SLC22A25: variants seen among roughly 807,000 people sequenced by gnomAD.
SLC22A25 encodes solute carrier family 22 member 25.
In SLC22A25, 44 loss-of-function variants were observed where a neutral mutation model predicts 45.9. The observed-to-expected ratio is 0.96, with a 90% CI of 0.75 to 1.23. The LOEUF is 1.23. Among genes scored for constraint, SLC22A25 ranks in the 50% most tolerant of loss-of-function variants. The pLI is 0.00. For synonymous variants in SLC22A25, 283 were observed against 238.6 expected (o/e 1.19, Z -1.72); for missense variants, 800 against 666.4 (o/e 1.20, Z -2.21).
At chr11:63,236,545 C>A (rs1359657843) in intron 3 of SLC22A25, among the ~76,000 whole-genome samples, 2 of 152,174 alleles carry the variant, frequency 1.3e-5, no homozygotes, top group Non-Finnish European at 2.9e-5. Context: ...GTCTGTCACC[C>A]CTTTCTTTGA....
At chr11:63,208,030 A>G in intron 7 of SLC22A25, 1 of 152,170 alleles carries the variant, frequency 6.6e-6, no homozygotes, top group East Asian at 1.9e-4. Flanking sequence ...CCTGAACCCC[A>G]TTGGTCTCTC....
In SLC22A25 at chr11:63,163,932, G is replaced by A. The variant is rs1421503433; in HGVS notation, c.1536C>T (p.Val512=). 1.1e-5 allele frequency: 17 copies of A among 1,613,758 alleles called. No homozygotes were observed. In the East Asian group the frequency reaches 3.3e-4, roughly 32 times the overall value. The change falls in exon 12 of 12, where the codon GTC becomes GTT. Residue 512 remains valine (V), a synonymous_variant. Coordinates refer to ENST00000306494, the MANE Select transcript of SLC22A25 (RefSeq NM_199352.6). ...GVFAILSGLV[V]LLLPETRNQP... Reference sequence around the variant, plus strand: ...GGTTCCTGGTTTCAGGAAGGAGGAGGACAACAAGGCCAGAGAGGATGGCAA... The same window carrying A: ...GGTTCCTGGTTTCAGGAAGGAGGAGAACAACAAGGCCAGAGAGGATGGCAA...
At chr11:63,233,162 G>A (rs1316332419) in intron 3 of SLC22A25, among the ~76,000 whole-genome samples, 1 of 152,180 alleles carries the variant, frequency 6.6e-6, no homozygotes, top group Non-Finnish European at 1.5e-5. Flanking sequence ...ATGAGTTAGG[G>A]AGGATTCCCT....
At chr11:63,211,061 C>T (rs1041792187) in intron 7 of SLC22A25, among the ~76,000 whole-genome samples, 1 of 150,270 alleles carries the variant, frequency 6.7e-6, no homozygotes, top group African/African-American at 2.5e-5. Context: ...CCACTGGAGC[C>T]AGACCTACAC....
In SLC22A25 at chr11:63,243,518, C is replaced by A; in HGVS notation, c.-1080G>T. 1 of 761,756 alleles carries A rather than the reference C, an allele frequency of 1.3e-6. No homozygotes were observed. The highest frequency in any genetic ancestry group is 2.5e-5 in the East Asian group (1 of 40,682). The allele number at this position is 761,756 out of a possible 1,614,324, so 47.2% of individuals were successfully genotyped here. ...TGTCTGCATGTTCCTGGCCTCCAGG[C>A]TCAAAGAGTCCAGCCCACTGACTGC... is the stretch of plus-strand genomic sequence containing the variant. On this transcript the variant is annotated 5_prime_UTR_variant, in exon 1 of 12. Transcript: ENST00000306494.
chr11:63,213,535 G>A (rs1381143856), intron 7 of SLC22A25, among the ~76,000 whole-genome samples: 2 of 152,150 alleles, frequency 1.3e-5, no homozygotes, highest in African/African-American at 2.4e-5. Context: ...TTAATAGTTC[G>A]GGTGCCACAC....
chr11:63,218,193 G>A (rs185375068), intron 5 of SLC22A25: 1 of 402,636 alleles, frequency 2.5e-6, no homozygotes. Context: ...CATGTCTTCT[G>A]CAGCAACATG....
intron 8 of SLC22A25, 64 bp downstream of exon 8, chr11:63,183,630 C>G (rs1393849775): frequency 6.2e-7 from 1 of 1,602,262 alleles, no homozygotes; most frequent in South Asian, 1.1e-5. Context: ...TTATGAACAC[C>G]AACAAGTATA....
chr11:63,203,776 G>C (rs1000939111), intron 7 of SLC22A25, among the ~76,000 whole-genome samples: 4 of 152,092 alleles, frequency 2.6e-5, no homozygotes, highest in African/African-American at 9.7e-5. Context: ...TAGCAAGACA[G>C]GCCAACATTC....
Position 63,169,269 on chromosome 11 carries a change from C to T in SLC22A25, c.1071-3011G>A, listed in dbSNP as rs2087792958. 2.0e-5 allele frequency among the ~76,000 whole-genome samples: 3 copies of T among 152,108 alleles called. No individual in the cohort carries two copies. The South Asian group carries it at 6.2e-4, about 32-fold the overall frequency. ...TGTAGAAACTGCATCAACTAATGTG[C>T]AAACTAAGCAGCTAACATCATGATG... On this transcript the variant is annotated intron_variant, in intron 9 of 11. Coordinates refer to ENST00000306494, the MANE Select transcript of SLC22A25 (RefSeq NM_199352.6).
chr11:63,243,552 T>C lies in SLC22A25; in HGVS notation c.-1114A>G, dbSNP rs137943622. On this transcript the variant is annotated 5_prime_UTR_variant, in exon 1 of 12. Transcript: ENST00000306494. The stretch of plus-strand genomic sequence containing the variant: ...TCCAGCCCACTGACTGCCAAAAAGC[T>C]GTGCATTTATACCGACAACTCCATC... The C allele has an allele frequency of 1.0e-5, 8 of 763,206 alleles. No individual in the cohort carries two copies. The highest frequency in any genetic ancestry group is 2.0e-5 in the Non-Finnish European group (8 of 408,520). 47.3% of individuals were successfully genotyped at this position (763,206 alleles called of 1,614,324 possible).
Position 63,243,144 on chromosome 11 carries a change from A to G in SLC22A25, c.-996+290T>C, listed in dbSNP as rs2090278104. 10 of 190,780 alleles carry G rather than the reference A, an allele frequency of 5.2e-5. No homozygotes were observed. The South Asian group carries it at 1.1e-3, about 20-fold the overall frequency. The allele number at this position is 190,780 out of a possible 1,614,324, so 11.8% of individuals were successfully genotyped here. On this transcript the variant is annotated intron_variant, in intron 1 of 11. Coordinates refer to ENST00000306494, the MANE Select transcript of SLC22A25 (RefSeq NM_199352.6). ...TCAGAGCCACGAGGGACTGCAACCT[A>G]CTCCAAGTTGACCGTGTCCTGAAGA...
At chr11:63,198,735 A>C (rs557969549) in intron 7 of SLC22A25, among the ~76,000 whole-genome samples, 14 of 152,258 alleles carry the variant, frequency 9.2e-5, no homozygotes, top group Non-Finnish European at 1.6e-4. Flanking sequence ...AGAAAAAAGA[A>C]ATCAAGACAA....
intron 7 of SLC22A25, among the ~76,000 whole-genome samples, chr11:63,194,626 C>A (rs937863183): frequency 1.3e-5 from 2 of 151,964 alleles, no homozygotes; most frequent in Admixed American, 6.6e-5. Flanking sequence ...AATGTAAAGA[C>A]CATCGATGCT....
chr11:63,183,705 G>C lies in SLC22A25; in HGVS notation c.943C>G (p.Leu315Val), dbSNP rs757206351. Residue 315 changes from leucine (L) to valine (V), a missense_variant, in exon 8 of 12, where the codon CTA (leucine) becomes GTA (valine). By Grantham distance (32) the Leu-to-Val change is conservative. Coordinates refer to ENST00000306494, the MANE Select transcript of SLC22A25 (RefSeq NM_199352.6). ...RNGMKNAEDI[L>V]TMEVLKSTMK... ...CCCGTCTTGCTTACCTCCATGGTTA[G>C]GATGTCTTCAGCATTCTTCATTCCA... 6.2e-7 allele frequency: 1 copy of C among 1,612,790 alleles called. No homozygotes were observed. Among genetic ancestry groups the C allele is most frequent in the Non-Finnish European group, 8.5e-7 (1 of 1,179,142 alleles).
chr11:63,221,625 T>G (rs1014865769), intron 5 of SLC22A25, among the ~76,000 whole-genome samples: 3 of 152,102 alleles, frequency 2.0e-5, no homozygotes, highest in South Asian at 2.1e-4. Flanking sequence ...AGAAGTTTTT[T>G]GAACTTGATA....
At chr11:63,238,257 A>G (rs1338092635) in intron 2 of SLC22A25, among the ~76,000 whole-genome samples, 1 of 152,192 alleles carries the variant, frequency 6.6e-6, no homozygotes, top group East Asian at 1.9e-4. Context: ...CTCCATACTA[A>G]GTGTGGTTCT....
At chr11:63,242,205 C>T (rs983847044) in intron 1 of SLC22A25, among the ~76,000 whole-genome samples, 1 of 152,178 alleles carries the variant, frequency 6.6e-6, no homozygotes, top group African/African-American at 2.4e-5. Flanking sequence ...CCCCTGGATT[C>T]TACTTTCAGA....
chr11:63,195,380 AG>A (rs2088983731), intron 7 of SLC22A25, among the ~76,000 whole-genome samples: 1 of 152,188 alleles, frequency 6.6e-6, no homozygotes, highest in Non-Finnish European at 1.5e-5. Context: ...CAAATGTAAA[AG>A]AACAGAAATC....
Sources: allele counts gnomAD v4.1 joint callset (sites outside exome capture counted in the v4.1 genomes callset), GRCh38; gene constraint gnomAD v4.1.1; transcripts MANE v1.5; gene names NCBI Gene and HGNC (gene_info 2026-07-23, HGNC 2026-07-21).